Variants in TRIO observed in about 807,000 individuals in gnomAD.
TRIO encodes the protein triple functional domain protein.
TRIO carries 58 observed loss-of-function variants against 351.9 expected under a neutral mutation model. The ratio of observed to expected loss-of-function variants is 0.16; its 90% confidence interval spans 0.13 to 0.21. The LOEUF (loss-of-function observed/expected upper bound fraction) is 0.21, where lower values mean the gene tolerates loss of function less well. Among genes scored for constraint, TRIO ranks in the 10% least tolerant of loss-of-function variants. The pLI is 1.00. For missense variants in TRIO, 3,201 were observed against 4,027.8 expected (o/e 0.79, Z 5.56); for synonymous variants, 1,758 against 1,595.7 (o/e 1.10, Z -2.42).
At chr5:14,469,250 T>G (rs1754499781) in intron 37 of TRIO, among the ~76,000 whole-genome samples, 1 of 152,158 alleles carries the variant, frequency 6.6e-6, no homozygotes, top group African/African-American at 2.4e-5. Flanking sequence ...AAAAATTTAT[T>G]CTTTAAATAT....
chr5:14,254,495 GT>G (rs1794919390), intron 1 of TRIO, among the ~76,000 whole-genome samples: 1 of 152,140 alleles, frequency 6.6e-6, no homozygotes, highest in African/African-American at 2.4e-5. Flanking sequence ...GCCTTGTCTG[GT>G]TAGTGCATTC....
intron 9 of TRIO, among the ~76,000 whole-genome samples, chr5:14,317,513 A>C (rs1739476875): frequency 6.6e-6 from 1 of 152,210 alleles, no homozygotes; most frequent in African/African-American, 2.4e-5. Flanking sequence ...AGCCTGCAGT[A>C]GAGCCACTCT....
In TRIO at chr5:14,367,050, A is replaced by G. The variant is rs193000444; in HGVS notation, c.2874+71A>G. ...GGACAAACATCCTGAATCCCCCAACATGGCACTGACCATGGGAACCACATG... is the reference window on the plus strand; with the variant it reads ...GGACAAACATCCTGAATCCCCCAACGTGGCACTGACCATGGGAACCACATG... On this transcript the variant is annotated intron_variant, in intron 16 of 56. Transcript: ENST00000344204. 1,853 of 1,592,396 alleles carry G rather than the reference A, an allele frequency of 1.2e-3. 9 individuals are homozygous for G. The African/African-American group carries it at 0.013, about 11-fold the overall frequency.
At chr5:14,283,550 T>C (rs1736189100) in intron 3 of TRIO, among the ~76,000 whole-genome samples, 1 of 152,208 alleles carries the variant, frequency 6.6e-6, no homozygotes, top group Admixed American at 6.5e-5. Context: ...TGCTGAGATA[T>C]AGTGCAATAA....
At chr5:14,288,173 C>A (rs559382429) in intron 4 of TRIO, among the ~76,000 whole-genome samples, 1 of 152,272 alleles carries the variant, frequency 6.6e-6, no homozygotes, top group South Asian at 2.1e-4. Flanking sequence ...TTTCTTGATG[C>A]AGAATTGAAA....
rs148347389 is a variant in TRIO, at chr5:14,371,327, G to T, written c.3216+1804G>T. Among the ~76,000 whole-genome samples the T allele has an allele frequency of 5.3e-5, 8 of 152,206 alleles. No homozygotes were observed. The East Asian group carries it at 1.5e-3, about 29-fold the overall frequency. ...CCCTTTGTTCAACTAGAATTTTGTG[G>T]TGTTTGTGTATAGGATATTTAAGTA... On this transcript the variant is annotated intron_variant, in intron 18 of 56. Transcript: ENST00000344204.
rs1747370402 is a variant in TRIO at position 14,394,272 on chromosome 5, G to A, written c.4311+142G>A. On this transcript the variant is annotated intron_variant, in intron 28 of 56. Coordinates refer to ENST00000344204, the MANE Select transcript of TRIO (RefSeq NM_007118.4). ...ACTTTTTAATTCATTAGTATTTATTGACCTGCCTAATTTCTCATTGCAGGA... is the reference window on the plus strand; with the variant it reads ...ACTTTTTAATTCATTAGTATTTATTAACCTGCCTAATTTCTCATTGCAGGA... 8.8e-6 allele frequency: 5 copies of A among 567,670 alleles called. No homozygotes were observed. The South Asian group carries it at 1.4e-4, about 16-fold the overall frequency. The allele number at this position is 567,670 out of a possible 1,614,324, so 35.2% of individuals were successfully genotyped here.
chr5:14,394,887 C>T (rs1208069168), intron 28 of TRIO, among the ~76,000 whole-genome samples: 1 of 152,154 alleles, frequency 6.6e-6, no homozygotes, highest in Non-Finnish European at 1.5e-5. Flanking sequence ...ATTTTCTTGA[C>T]TACCTAAAAA....
chr5:14,243,558 A>G (rs190457465), intron 1 of TRIO, among the ~76,000 whole-genome samples: 285 of 152,312 alleles, frequency 1.9e-3, no homozygotes, highest in Non-Finnish European at 3.3e-3. Flanking sequence ...AGAGGTCATA[A>G]TGACAAAACA....
chr5:14,364,309 A>G (rs1744410671), intron 14 of TRIO, among the ~76,000 whole-genome samples: 1 of 152,226 alleles, frequency 6.6e-6, no homozygotes. Flanking sequence ...CAACCTGCAT[A>G]CTGCATTATT....
At chr5:14,500,829 C>T (rs1757233659) in intron 53 of TRIO, among the ~76,000 whole-genome samples, 2 of 140,910 alleles carry the variant, frequency 1.4e-5, no homozygotes, top group African/African-American at 2.7e-5. Flanking sequence ...GTTGAAATTG[C>T]AGTGAGTCGA....
intron 1 of TRIO, among the ~76,000 whole-genome samples, chr5:14,262,287 C>T (rs1795394924): frequency 6.6e-6 from 1 of 150,552 alleles, no homozygotes; most frequent in Admixed American, 6.6e-5. Context: ...GGACTCCAGA[C>T]TGGGGGCAGG....
At chr5:14,201,285 TA>T (rs1791092644) in intron 1 of TRIO, among the ~76,000 whole-genome samples, 1 of 152,042 alleles carries the variant, frequency 6.6e-6, no homozygotes, top group African/African-American at 2.4e-5. Flanking sequence ...AAATAAAAAA[TA>T]AAACGTTCTC....
chr5:14,273,086 C>T (rs1735180696), intron 2 of TRIO, among the ~76,000 whole-genome samples: 1 of 152,166 alleles, frequency 6.6e-6, no homozygotes, highest in Non-Finnish European at 1.5e-5. Flanking sequence ...ACCCCATATC[C>T]ACCCCCAAGC....
At chr5:14,188,986 A>T (rs559729999) in intron 1 of TRIO, among the ~76,000 whole-genome samples, 2 of 152,346 alleles carry the variant, frequency 1.3e-5, no homozygotes, top group East Asian at 1.9e-4. Flanking sequence ...ATGTTTTTCC[A>T]TGAGTAATTC....
At chr5:14,342,153 C>T (rs247138) in intron 11 of TRIO, among the ~76,000 whole-genome samples, 45,259 of 145,802 alleles carry the variant, frequency 0.31, 8,076 homozygotes, top group East Asian at 0.56. Context: ...GCACTGGGGC[C>T]GGGGGAGGGT....
At chr5:14,444,093 T>TC (rs1752264272) in intron 34 of TRIO, among the ~76,000 whole-genome samples, 1 of 151,714 alleles carries the variant, frequency 6.6e-6, no homozygotes, top group African/African-American at 2.4e-5. Context: ...TTTTTTTTTT[T>TC]TCTTTCTGTT....
At chr5:14,421,227 A>ATTTTATTTTAT (rs1276372956) in intron 34 of TRIO, among the ~76,000 whole-genome samples, 3 of 118,078 alleles carry the variant, frequency 2.5e-5, no homozygotes, top group East Asian at 2.5e-4. Context: ...TTATTTATTT[A>ATTTTATTTTAT]TTTATTTTAT....
intron 13 of TRIO, 121 bp from the exon 14 acceptor site, chr5:14,363,611 T>C (rs1223768519): frequency 2.4e-6 from 2 of 841,272 alleles, no homozygotes; most frequent in South Asian, 1.8e-5. Context: ...CTCATGCATC[T>C]TAAGTGTTTG....
Sources: gnomAD v4.1 joint callset for allele counts (sites outside exome capture counted in the v4.1 genomes callset) on GRCh38, gnomAD v4.1.1 for gene constraint, MANE v1.5 for transcripts, NCBI Gene and HGNC (gene_info 2026-07-23, HGNC 2026-07-21) for gene names.